The following PFKFB3 variants were observed in gnomAD, a reference collection of about 807,000 sequenced individuals.
The protein encoded by PFKFB3 is 6-phosphofructo-2-kinase/fructose-2,6-bisphosphatase 3.
In PFKFB3, 33 loss-of-function variants were observed where a neutral mutation model predicts 68.0. The ratio of observed to expected loss-of-function variants is 0.49; its 90% CI spans 0.37 to 0.65. PFKFB3 has a LOEUF of 0.65. Among genes scored for constraint, PFKFB3 ranks in the 30% least tolerant of loss-of-function variants. The probability of loss-of-function intolerance (pLI) is 0.00; values close to 1 mark genes in which losing one functional copy is unlikely to be tolerated. For missense variants in PFKFB3, 586 were observed against 712.2 expected (o/e 0.82, Z 2.02); for synonymous variants, 315 against 288.2 (o/e 1.09, Z -0.94).
upstream of PFKFB3, among the ~76,000 whole-genome samples, chr10:6,198,965 C>T (rs563798866): frequency 7.2e-5 from 11 of 152,298 alleles, no homozygotes; most frequent in African/African-American, 2.2e-4. Flanking sequence ...ATTGGTTTTT[C>T]GAACCCCCAA....
At chr10:6,275,466 G>A in the PFKFB3 span, among the ~76,000 whole-genome samples, 1 of 152,214 alleles carries the variant, frequency 6.6e-6, no homozygotes, top group African/African-American at 2.4e-5. This position sits in a 1 kb window ranked among gnomAD's most constrained non-coding sequence, Gnocchi z 4.9. Flanking sequence ...GCCTTGTGAT[G>A]GAGTCAGGCC....
At chr10:6,222,766 T>G (rs971407385) in intron 10 of PFKFB3, 89 bp from the exon 11 acceptor site, 2 of 1,421,036 alleles carry the variant, frequency 1.4e-6, no homozygotes, top group Admixed American at 2.3e-5. Context: ...TTTGCGTGGC[T>G]CTCTGGCCGG....
intron 1 of PFKFB3, among the ~76,000 whole-genome samples, chr10:6,175,464 C>G (rs967234719): frequency 6.6e-6 from 1 of 152,212 alleles, no homozygotes. Context: ...TTGTCATCCC[C>G]GTATGACAGA....
chr10:6,195,826 T>G (rs1843161124), intron 1 of PFKFB3, among the ~76,000 whole-genome samples: 1 of 152,224 alleles, frequency 6.6e-6, no homozygotes, highest in African/African-American at 2.4e-5. Context: ...TACGTGAGTT[T>G]CTCAGTCCAT....
In PFKFB3 at chr10:6,229,268, C is replaced by A; in HGVS notation, c.1515+2903C>A. 1 of 448,222 alleles carries A rather than the reference C, an allele frequency of 2.2e-6. No homozygotes were observed. Among genetic ancestry groups the A allele is most frequent in the Non-Finnish European group, 4.7e-6 (1 of 212,690 alleles). 27.8% of individuals were successfully genotyped at this position (448,222 alleles called of 1,614,324 possible). A position where few individuals can be genotyped will look rare whatever the true frequency, so the allele number is the denominator to read the frequency against. On this transcript the variant is annotated intron_variant, in intron 14 of 14. Transcript: ENST00000379775. This position sits in a 1 kb window ranked among gnomAD's most constrained non-coding sequence, Gnocchi z 4.3. Reference sequence around the variant, plus strand: ...CCTCCATGTCCACGTTCCTTAAGACCACCCTGGGAGGTCGGCAGGGCAGTC... The same window carrying A: ...CCTCCATGTCCACGTTCCTTAAGACAACCCTGGGAGGTCGGCAGGGCAGTC...
At chr10:6,277,408 A>C in the PFKFB3 span, among the ~76,000 whole-genome samples, 2 of 151,904 alleles carry the variant, frequency 1.3e-5, no homozygotes, top group Non-Finnish European at 2.9e-5. Flanking sequence ...TTTAGTAGAG[A>C]CAGGGTTTCA....
chr10:6,210,049 G>GTGCGCCCCTCT (rs1204853552), intron 1 of PFKFB3, among the ~76,000 whole-genome samples: 115 of 122,758 alleles, frequency 9.4e-4, no homozygotes, highest in South Asian at 2.1e-3. Flanking sequence ...ACCGTGCCCG[G>GTGCGCCCCTCT]CCTAATACTT....
intron 1 of PFKFB3, among the ~76,000 whole-genome samples, chr10:6,176,258 T>A (rs1337073394): frequency 6.6e-6 from 1 of 152,032 alleles, no homozygotes; most frequent in African/African-American, 2.4e-5. Context: ...CTGTATCCGA[T>A]GTCAAGACAT....
rs1392791953 is a variant in PFKFB3, at chr10:6,151,271, GTCT to G, written c.16+6259_16+6261del. On this transcript the variant is annotated intron_variant, in intron 1 of 14. Transcript: ENST00000379789. ...GTTCTGGTTGGGGCAGCCACAAGGT[GTCT>G]GAAGAGCAGCGGGGTTTGGTCGTCC... Among the ~76,000 whole-genome samples, 15 of 152,244 alleles carry G rather than the reference GTCT, an allele frequency of 9.9e-5. 1 individual carries two copies. The South Asian group carries it at 1.7e-3, about 17-fold the overall frequency.
chr10:6,144,970 C>T, exon 1 of PFKFB3: 1 of 1,283,436 alleles, frequency 7.8e-7, no homozygotes, highest in Non-Finnish European at 9.8e-7. Context: ...TGTCGCGGGC[C>T]GGCCCCGCGG....
At position 6,183,769 on chromosome 10, in the gene PFKFB3, G is replaced by A. The variant is rs1027237450; in HGVS notation, c.17-29854G>A. ...GTGGCGTGATCTCGGCTCACTGCAA[G>A]CTCTGCCTCCCGGGTTCACGCCATT... is the stretch of plus-strand genomic sequence containing the variant. On this transcript the variant is annotated intron_variant, in intron 1 of 14. Coordinates refer to the PFKFB3 transcript ENST00000379789. Among the ~76,000 whole-genome samples the A allele has an allele frequency of 2.1e-5, 3 of 146,288 alleles. No homozygotes were observed. The East Asian group carries it at 6.2e-4, about 30-fold the overall frequency.
chr10:6,259,359 C>T (rs1440716302), downstream of PFKFB3, among the ~76,000 whole-genome samples: 3 of 150,092 alleles, frequency 2.0e-5, no homozygotes, highest in Admixed American at 6.6e-5. Context: ...CCCATCCACC[C>T]ATCCATCCAT....
chr10:6,278,020 C>CCT, the PFKFB3 span, among the ~76,000 whole-genome samples: 107 of 151,616 alleles, frequency 7.1e-4, no homozygotes, highest in African/African-American at 2.6e-3. Flanking sequence ...TGAGTTCACA[C>CCT]CATTCTCCTG....
chr10:6,156,411 C>G (rs1285414314), intron 1 of PFKFB3, among the ~76,000 whole-genome samples: 1 of 152,082 alleles, frequency 6.6e-6, no homozygotes, highest in African/African-American at 2.4e-5. Flanking sequence ...CCACCTTGGC[C>G]TCCCAAAGTG....
chr10:6,177,393 T>TTTCTTTCTTTCTTTCTTTCTTTC lies in PFKFB3; in HGVS notation c.16+32397_16+32398insTCTTTCTTCTTTCTTTCTTTCTT, dbSNP rs1554842911. On this transcript the variant is annotated intron_variant, in intron 1 of 14. Coordinates refer to the PFKFB3 transcript ENST00000379789. ...CTTTCTTTCTTTCTTTCTTTCTTTC[T>TTTCTTTCTTTCTTTCTTTCTTTC]TTCTTTCTTTCTTTCTTCTTTCTCT... 6.4e-3 allele frequency among the ~76,000 whole-genome samples: 904 copies of TTTCTTTCTTTCTTTCTTTCTTTC among 141,742 alleles called. 27 individuals carry two copies. Among genetic ancestry groups the TTTCTTTCTTTCTTTCTTTCTTTC allele is most frequent in the African/African-American group, 0.02 (770 of 38,178 alleles). The allele number at this position is 141,742 out of a possible 152,430, so 93.0% of individuals were successfully genotyped here.
Position 6,226,339 on chromosome 10 carries a change from G to C in PFKFB3, c.1489G>C (p.Glu497Gln). The C allele has an allele frequency of 1.2e-6, 2 of 1,613,488 alleles. No individual in the cohort carries two copies. The highest frequency in any genetic ancestry group is 1.7e-6 in the Non-Finnish European group (2 of 1,179,798). Residue 497 changes from glutamate (E) to glutamine (Q), a missense_variant, in exon 14 of 15, where the codon GAG (glutamate) becomes CAG (glutamine). Coordinates refer to ENST00000379775, the MANE Select transcript of PFKFB3 (RefSeq NM_004566.4). ...CGCCCTGCCCAGCTGCCTGCCCCCG[G>C]AGGTGCCCACGCAGCTGCCTGGACA... The part of the protein sequence containing the change: ...SAALPSCLPP[E>Q]VPTQLPGQNM...
intron 1 of PFKFB3, among the ~76,000 whole-genome samples, chr10:6,169,910 T>C (rs1414074076): frequency 1.3e-5 from 2 of 152,222 alleles, no homozygotes; most frequent in Non-Finnish European, 2.9e-5. Context: ...GTTCTGGGTC[T>C]AGGACACTGA....
upstream of PFKFB3, among the ~76,000 whole-genome samples, chr10:6,199,658 A>ATTTTTTTTTTTTTTTT (rs143309528): frequency 5.7e-4 from 43 of 75,596 alleles, 1 homozygote; most frequent in African/African-American, 1.8e-3. Context: ...CTATTTTTAA[A>ATTTTTTTTTTTTTTTT]TTTTTTTTTT....
At chr10:6,156,614 T>C (rs1406513974) in intron 1 of PFKFB3, among the ~76,000 whole-genome samples, 1 of 152,010 alleles carries the variant, frequency 6.6e-6, no homozygotes, top group Non-Finnish European at 1.5e-5. Flanking sequence ...TTTTAAGTGA[T>C]TCTCCTGCCT....
Sources: gnomAD v4.1 joint callset for allele counts (sites outside exome capture counted in the v4.1 genomes callset) on GRCh38, gnomAD v4.1.1 for gene constraint, Gnocchi (gnomAD v3.1) non-coding constraint, MANE v1.5 for transcripts, NCBI Gene and HGNC (gene_info 2026-07-23, HGNC 2026-07-21) for gene names.